EXOC4: variants seen among roughly 807,000 people sequenced by gnomAD.
The protein encoded by EXOC4 is exocyst complex component 4.
EXOC4 carries 71 observed loss-of-function variants against 107.2 expected under a neutral mutation model. The ratio of observed to expected loss-of-function variants is 0.66; its 90% CI spans 0.55 to 0.81. The LOEUF is 0.81. Ranked by LOEUF, EXOC4 falls within the 30% of genes least tolerant of loss-of-function variation. The pLI, the probability that EXOC4 is intolerant of heterozygous loss-of-function variation, is 0.00. For missense variants in EXOC4, 1,108 were observed against 1,189.6 expected, an observed-to-expected ratio of 0.93 and a Z score of 1.01; for synonymous variants, 456 against 441.2, an observed-to-expected ratio of 1.03 and a Z score of -0.42.
chr7:133,437,845 T>A (rs1798011081), intron 7 of EXOC4, among the ~76,000 whole-genome samples: 5 of 152,200 alleles, frequency 3.3e-5, no homozygotes, highest in Admixed American at 2.0e-4. Context: ...TCTTTTTCAT[T>A]TTTCTTGTCA....
At chr7:133,982,286 C>T (rs540900011) in intron 14 of EXOC4, among the ~76,000 whole-genome samples, 28 of 152,342 alleles carry the variant, frequency 1.8e-4, no homozygotes, top group African/African-American at 6.3e-4. Context: ...GGTGTGGTGG[C>T]TCACGCCTGT....
At chr7:133,402,630 C>T (rs944710691) in intron 7 of EXOC4, among the ~76,000 whole-genome samples, 1 of 152,146 alleles carries the variant, frequency 6.6e-6, no homozygotes, top group Non-Finnish European at 1.5e-5. Flanking sequence ...TCCCAAATAG[C>T]TGGGATTATA....
Position 133,356,534 on chromosome 7 carries a change from A to G in EXOC4, c.968A>G (p.Tyr323Cys), listed in dbSNP as rs1796024362. ...ACAACCCAGGTGGCAGACAGTGGCTATCAGCGGGGGGAGAACGTTACTGTG... is the reference window on the plus strand; with the variant it reads ...ACAACCCAGGTGGCAGACAGTGGCTGTCAGCGGGGGGAGAACGTTACTGTG... Reference protein sequence around the residue: ...RSTTQVADSGYQRGENVTVEN... With the variant: ...RSTTQVADSGCQRGENVTVEN... The change falls in exon 6 of 18, where the codon TAT becomes TGT. Residue 323 changes from tyrosine to cysteine, a missense_variant. Physicochemically the swap from Tyr to Cys is radical, Grantham distance 194. Coordinates refer to ENST00000253861, the MANE Select transcript of EXOC4 (RefSeq NM_021807.4). The G allele has an allele frequency of 6.2e-7, 1 of 1,614,082 alleles. No homozygotes were observed. Among genetic ancestry groups the G allele is most frequent in the South Asian group, 1.1e-5 (1 of 91,088 alleles).
chr7:133,520,410 A>G (rs1268648519), intron 9 of EXOC4, among the ~76,000 whole-genome samples: 3 of 152,104 alleles, frequency 2.0e-5, no homozygotes, highest in African/African-American at 7.2e-5. Context: ...AGTATGAACA[A>G]ATTGGATTCT....
In EXOC4 at chr7:133,436,669, C is replaced by T. The variant is rs375193233; in HGVS notation, c.1183-38659C>T. Among the ~76,000 whole-genome samples the T allele has an allele frequency of 2.7e-4, 41 of 152,222 alleles. No homozygotes were observed. In the East Asian group the frequency reaches 7.3e-3, roughly 27 times the overall value. On this transcript the variant is annotated intron_variant, in intron 7 of 17. Transcript: ENST00000253861. ...TCTTTAAGTATCATCACATACCCTT[C>T]GTGTGTACGAGCCAGTGGCTTTCAA...
At chr7:134,055,370 A>T (rs2116601948) in intron 17 of EXOC4, among the ~76,000 whole-genome samples, 1 of 152,270 alleles carries the variant, frequency 6.6e-6, no homozygotes, top group South Asian at 2.1e-4. Context: ...GCCCTGTCTT[A>T]ACATCATTGT....
At chr7:133,596,007 C>T (rs1801660991) in intron 9 of EXOC4, among the ~76,000 whole-genome samples, 1 of 152,278 alleles carries the variant, frequency 6.6e-6, no homozygotes, top group South Asian at 2.1e-4. Flanking sequence ...CTTTTCCCCA[C>T]ACTCCCATTT....
chr7:133,464,431 C>T (rs1429734087), intron 7 of EXOC4, among the ~76,000 whole-genome samples: 2 of 152,160 alleles, frequency 1.3e-5, no homozygotes, highest in Non-Finnish European at 2.9e-5. Flanking sequence ...AAGGCAGGCA[C>T]ATGAATTTCT....
chr7:134,095,013 A>G, the EXOC4 span, among the ~76,000 whole-genome samples: 25 of 152,182 alleles, frequency 1.6e-4, 2 homozygotes, highest in South Asian at 4.8e-3. Context: ...AAGTCAAACT[A>G]TCTCTCTTTG....
intron 7 of EXOC4, among the ~76,000 whole-genome samples, chr7:133,471,537 C>CA (rs1798878852): frequency 6.6e-6 from 1 of 151,978 alleles, no homozygotes; most frequent in Admixed American, 6.6e-5. Context: ...ATGAAGCAAA[C>CA]AAACACAAAT....
chr7:133,997,014 G>A (rs1280770261), intron 14 of EXOC4, among the ~76,000 whole-genome samples: 1 of 152,170 alleles, frequency 6.6e-6, no homozygotes, highest in Non-Finnish European at 1.5e-5. Flanking sequence ...GGCAGATGTT[G>A]GCTTGATGTA....
At position 133,830,419 on chromosome 7, in the gene EXOC4, T is replaced by A. The variant is rs561850709; in HGVS notation, c.1734+12875T>A. Among the ~76,000 whole-genome samples the A allele has an allele frequency of 2.0e-5, 3 of 152,234 alleles. No homozygotes were observed. In the East Asian group the frequency reaches 5.8e-4, roughly 29 times the overall value. On this transcript the variant is annotated intron_variant, in intron 11 of 17. Transcript: ENST00000253861. ...GGAGGAGTACACTTTTCTTCCAGCC[T>A]TTCAAAATGTTGCTTTAGAGCCAAA...
At chr7:133,760,929 G>A (rs1196923092) in intron 10 of EXOC4, among the ~76,000 whole-genome samples, 1 of 152,014 alleles carries the variant, frequency 6.6e-6, no homozygotes, top group Non-Finnish European at 1.5e-5. Context: ...ATCACCTTTT[G>A]TATTTCTGTT....
intron 6 of EXOC4, among the ~76,000 whole-genome samples, chr7:133,372,332 A>G (rs1478302984): frequency 6.6e-6 from 1 of 152,166 alleles, no homozygotes; most frequent in Non-Finnish European, 1.5e-5. Context: ...TAGAGCTGCA[A>G]GTTCCTAGCT....
rs1222894526 is a variant in EXOC4 at position 133,857,244 on chromosome 7, C to CAT, written c.1735-38327_1735-38326dup. Among the ~76,000 whole-genome samples the CAT allele has an allele frequency of 1.1e-3, 7 of 6,586 alleles. 3 individuals are homozygous for CAT. The highest frequency in any genetic ancestry group is 0.014 in the South Asian group (2 of 142). 4.3% of individuals were successfully genotyped at this position (6,586 alleles called of 152,430 possible). ...TCCCTGGATGATTGTCTTAGTGTCA[C>CAT]ATATATATATATATATATATATATA... On this transcript the variant is annotated intron_variant, in intron 11 of 17. Coordinates refer to ENST00000253861, the MANE Select transcript of EXOC4 (RefSeq NM_021807.4).
At chr7:133,805,378 G>A (rs992972967) in intron 10 of EXOC4, among the ~76,000 whole-genome samples, 2 of 152,140 alleles carry the variant, frequency 1.3e-5, no homozygotes, top group African/African-American at 2.4e-5. Flanking sequence ...AATACAGAGA[G>A]TACATGGAAC....
chr7:133,935,862 T>A (rs1800287894), intron 13 of EXOC4, among the ~76,000 whole-genome samples: 1 of 152,132 alleles, frequency 6.6e-6, no homozygotes, highest in South Asian at 2.1e-4. Flanking sequence ...TCTTTCTACT[T>A]TCATAATTAT....
rs565568988 is a variant in EXOC4, at chr7:133,505,182, G to A, written c.1417+25044G>A. On this transcript the variant is annotated intron_variant, in intron 9 of 17. Transcript: ENST00000253861. ...GTGTCTTGAATAAGTTAGGGGAAGGGCAGGCAAATGGACACTTAAGGTTTA... is the reference window on the plus strand; with the variant it reads ...GTGTCTTGAATAAGTTAGGGGAAGGACAGGCAAATGGACACTTAAGGTTTA... Among the ~76,000 whole-genome samples the A allele has an allele frequency of 5.9e-5, 9 of 152,198 alleles. No individual in the cohort carries two copies. In the East Asian group the frequency reaches 1.7e-3, roughly 29 times the overall value.
intron 10 of EXOC4, among the ~76,000 whole-genome samples, chr7:133,753,213 G>C (rs1795830419): frequency 6.6e-6 from 1 of 152,162 alleles, no homozygotes; most frequent in Admixed American, 6.5e-5. Flanking sequence ...TGATCCATTA[G>C]GAATAGGAAT....
Sources: gnomAD v4.1 joint callset for allele counts (sites outside exome capture counted in the v4.1 genomes callset) on GRCh38, gnomAD v4.1.1 for gene constraint, MANE v1.5 for transcripts, NCBI Gene and HGNC (gene_info 2026-07-23, HGNC 2026-07-21) for gene names.